The following STAG1 variants were observed in gnomAD, a reference collection of about 807,000 sequenced individuals.
The protein encoded by STAG1 is cohesin subunit SA-1.
A neutral mutation model predicts 170.9 loss-of-function variants in STAG1; 26 were observed. That is an observed-to-expected ratio of 0.15 (90% CI 0.11 to 0.21). The LOEUF (loss-of-function observed/expected upper bound fraction) is 0.21. STAG1 is among the 10% of genes least tolerant of loss of function. The probability of loss-of-function intolerance (pLI) is 1.00; values close to 1 mark genes in which losing one functional copy is unlikely to be tolerated. For synonymous variants in STAG1, 514 were observed against 497.7 expected (o/e 1.03, Z -0.44); for missense variants, 964 against 1,509.5 (o/e 0.64, Z 5.99).
At chr3:136,503,894 C>T (rs995885080) in intron 7 of STAG1, among the ~76,000 whole-genome samples, 15 of 152,006 alleles carry the variant, frequency 9.9e-5, no homozygotes, top group African/African-American at 3.6e-4. Context: ...CACCACCACG[C>T]CCAGCTAATT....
At chr3:136,608,889 C>G (rs1239300692) in intron 3 of STAG1, among the ~76,000 whole-genome samples, 1 of 149,190 alleles carries the variant, frequency 6.7e-6, no homozygotes, top group Non-Finnish European at 1.5e-5. Flanking sequence ...GTGGACAAAA[C>G]ATAAAATACA....
At chr3:136,427,154 G>T (rs1229303786) in intron 16 of STAG1, among the ~76,000 whole-genome samples, 1 of 150,132 alleles carries the variant, frequency 6.7e-6, no homozygotes, top group Non-Finnish European at 1.5e-5. Flanking sequence ...GCTTGAACCC[G>T]GGAGGCAGAT....
chr3:136,611,154 T>C (rs1939255006), intron 3 of STAG1, among the ~76,000 whole-genome samples: 1 of 151,826 alleles, frequency 6.6e-6, no homozygotes, highest in Non-Finnish European at 1.5e-5. Flanking sequence ...TTTTACATAA[T>C]TTTTTTTTCT....
At chr3:136,752,062 C>CCCGCTCG (rs1210407466) in intron 1 of STAG1, 133 bp downstream of exon 1, 4 of 153,506 alleles carry the variant, frequency 2.6e-5, no homozygotes, top group East Asian at 3.9e-4. Context: ...GCCCGGCCCG[C>CCCGCTCG]CCGCTCGCCG....
chr3:136,743,486 A>G (rs1020096394), intron 1 of STAG1, among the ~76,000 whole-genome samples: 5 of 152,204 alleles, frequency 3.3e-5, no homozygotes, highest in Admixed American at 1.3e-4. Flanking sequence ...TCAATTAAGT[A>G]AAATGAACCA....
At chr3:136,467,419 T>A (rs569798414) in intron 12 of STAG1, among the ~76,000 whole-genome samples, 1 of 152,140 alleles carries the variant, frequency 6.6e-6, no homozygotes, top group African/African-American at 2.4e-5. Context: ...AGAAGGCCAT[T>A]ACATAATGGC....
chr3:136,673,008 A>G (rs1263465986), intron 1 of STAG1, among the ~76,000 whole-genome samples: 2 of 152,218 alleles, frequency 1.3e-5, no homozygotes, highest in Admixed American at 6.5e-5. Context: ...TAACTTTCCA[A>G]TGTCATTATA....
chr3:136,733,133 G>A (rs1042901026), intron 1 of STAG1, among the ~76,000 whole-genome samples: 40 of 142,304 alleles, frequency 2.8e-4, no homozygotes, highest in African/African-American at 9.2e-4. Flanking sequence ...CACCCAGGCT[G>A]GAGTGCAGCG....
chr3:136,526,921 C>T (rs1019797158), intron 6 of STAG1, among the ~76,000 whole-genome samples: 3 of 152,164 alleles, frequency 2.0e-5, no homozygotes, highest in Non-Finnish European at 4.4e-5. Flanking sequence ...AATGTTGGCT[C>T]CCACTCTCTT....
chr3:136,436,109 C>G (rs1391910695), intron 15 of STAG1, among the ~76,000 whole-genome samples: 1 of 152,006 alleles, frequency 6.6e-6, no homozygotes, highest in Non-Finnish European at 1.5e-5. Flanking sequence ...AGGTGTGCCA[C>G]CACACCCGGC....
intron 6 of STAG1, among the ~76,000 whole-genome samples, chr3:136,522,580 T>C (rs1337967228): frequency 1.3e-5 from 2 of 152,186 alleles, no homozygotes; most frequent in African/African-American, 4.8e-5. Flanking sequence ...ATAATTATTT[T>C]TCACTCTACT....
intron 28 of STAG1, among the ~76,000 whole-genome samples, chr3:136,354,659 T>TA (rs908281077): frequency 6.8e-6 from 1 of 147,522 alleles, no homozygotes; most frequent in African/African-American, 2.5e-5. Flanking sequence ...GGAAAATAAC[T>TA]AAAAAAATAC....
At chr3:136,714,991 T>C (rs1291476819) in intron 1 of STAG1, among the ~76,000 whole-genome samples, 1 of 110,674 alleles carries the variant, frequency 9.0e-6, no homozygotes, top group Non-Finnish European at 2.0e-5. Context: ...TATATATATA[T>C]TTTATATATA....
intron 1 of STAG1, among the ~76,000 whole-genome samples, chr3:136,641,101 G>C (rs1940782008): frequency 6.6e-6 from 1 of 152,196 alleles, no homozygotes; most frequent in Admixed American, 6.5e-5. Flanking sequence ...ATAATGAATA[G>C]AAGAGCTGTC....
At chr3:136,635,495 G>A (rs142509026) in intron 1 of STAG1, among the ~76,000 whole-genome samples, 2 of 152,142 alleles carry the variant, frequency 1.3e-5, no homozygotes, top group Admixed American at 1.3e-4. Context: ...ATCTCCAAAC[G>A]CTGCAGCTAA....
At chr3:136,688,970 T>C (rs1468770381) in intron 1 of STAG1, among the ~76,000 whole-genome samples, 1 of 152,168 alleles carries the variant, frequency 6.6e-6, no homozygotes. Flanking sequence ...AGGAATAAGA[T>C]GGGGGATGAT....
At chr3:136,466,094 G>T (rs564611348) in intron 12 of STAG1, among the ~76,000 whole-genome samples, 2 of 152,128 alleles carry the variant, frequency 1.3e-5, no homozygotes, top group Admixed American at 1.3e-4. Flanking sequence ...AAATCAGATC[G>T]CCTCTCCCCC....
At chr3:136,593,138 T>G (rs1168224358) in intron 4 of STAG1, among the ~76,000 whole-genome samples, 1 of 152,160 alleles carries the variant, frequency 6.6e-6, no homozygotes, top group Non-Finnish European at 1.5e-5. Context: ...CAAAAAGGTA[T>G]GCTCACTAAA....
chr3:136,691,512 T>C (rs955236587), intron 1 of STAG1, among the ~76,000 whole-genome samples: 1 of 152,102 alleles, frequency 6.6e-6, no homozygotes, highest in African/African-American at 2.4e-5. Flanking sequence ...GAGCCTCACT[T>C]GAGCCTTAAG....
Sources: gnomAD v4.1 joint callset for allele counts (sites outside exome capture counted in the v4.1 genomes callset) on GRCh38, gnomAD v4.1.1 for gene constraint, MANE v1.5 for transcripts, NCBI Gene and HGNC (gene_info 2026-07-23, HGNC 2026-07-21) for gene names.